Variants in MAML3 observed in about 807,000 individuals in gnomAD.
MAML3 encodes the protein mastermind like transcriptional coactivator 3.
A neutral mutation model predicts 101.9 loss-of-function variants in MAML3; 27 were observed. That is an observed-to-expected ratio of 0.27 (90% CI 0.20 to 0.37). The LOEUF is 0.37. MAML3 is among the 10% of genes least tolerant of loss of function. The pLI, the probability that MAML3 is intolerant of heterozygous loss-of-function variation, is 1.00. For synonymous variants in MAML3, 501 were observed against 555.9 expected (o/e 0.90, Z 1.39); for missense variants, 1,316 against 1,444.9 (o/e 0.91, Z 1.45).
At chr4:139,850,684 G>T (rs534259254) in intron 2 of MAML3, among the ~76,000 whole-genome samples, 2 of 151,916 alleles carry the variant, frequency 1.3e-5, no homozygotes, top group South Asian at 2.1e-4. Context: ...GGGACCACAG[G>T]TGCATACCAC....
At chr4:140,140,182 G>C (rs1728956785) in intron 1 of MAML3, among the ~76,000 whole-genome samples, 1 of 152,016 alleles carries the variant, frequency 6.6e-6, no homozygotes, top group African/African-American at 2.4e-5. Context: ...AAATTAGCCG[G>C]GCATGGTGGC....
At chr4:140,113,583 T>C (rs1005204386) in intron 1 of MAML3, among the ~76,000 whole-genome samples, 1 of 152,158 alleles carries the variant, frequency 6.6e-6, no homozygotes, top group Non-Finnish European at 1.5e-5. Context: ...ACCAACTACA[T>C]TCCTACTCGG....
intron 4 of MAML3, 143 bp downstream of exon 4, chr4:139,725,608 A>G: frequency 1.2e-6 from 1 of 801,050 alleles, no homozygotes; most frequent in Admixed American, 2.1e-5. Flanking sequence ...CTGATTGGTT[A>G]GTACTCTTAA....
At chr4:140,033,245 C>T (rs1479992797) in intron 1 of MAML3, among the ~76,000 whole-genome samples, 1 of 152,132 alleles carries the variant, frequency 6.6e-6, no homozygotes, top group South Asian at 2.1e-4. Context: ...TATAACTAAG[C>T]CCTGTGGCAA....
chr4:140,012,724 G>A (rs983613276), intron 1 of MAML3, among the ~76,000 whole-genome samples: 2 of 152,138 alleles, frequency 1.3e-5, no homozygotes, highest in Non-Finnish European at 2.9e-5. Context: ...ACCACCTCTT[G>A]AGGTCTAGGT....
chr4:139,913,352 G>A (rs888861613), intron 1 of MAML3, among the ~76,000 whole-genome samples: 1 of 152,014 alleles, frequency 6.6e-6, no homozygotes, highest in African/African-American at 2.4e-5. Flanking sequence ...TCCTAAGTAT[G>A]GCTCTTACTT....
intron 1 of MAML3, among the ~76,000 whole-genome samples, chr4:140,116,615 G>C (rs1728523001): frequency 6.6e-6 from 1 of 152,190 alleles, no homozygotes; most frequent in Non-Finnish European, 1.5e-5. Flanking sequence ...TGCTTCAAAA[G>C]TTGCCATTCC....
At chr4:139,872,868 A>G (rs1732041596) in intron 2 of MAML3, among the ~76,000 whole-genome samples, 1 of 152,106 alleles carries the variant, frequency 6.6e-6, no homozygotes, top group Non-Finnish European at 1.5e-5. Flanking sequence ...ACCTAAGGTC[A>G]GGAGTTTGAG....
chr4:140,109,110 T>C, intron 1 of MAML3, among the ~76,000 whole-genome samples: 1 of 152,138 alleles, frequency 6.6e-6, no homozygotes, highest in East Asian at 1.9e-4. Context: ...CATTTGAAGG[T>C]TTCAGTTGAA....
intron 1 of MAML3, among the ~76,000 whole-genome samples, chr4:139,929,199 GAAAAATTAGACTTTATATC>G: frequency 6.6e-6 from 1 of 152,246 alleles, no homozygotes; most frequent in East Asian, 1.9e-4. Context: ...AAAAAGGAGG[GAAAAATTAGACTTTATATC>G]AAACAGTGCT....
chr4:139,865,889 A>G (rs1478344895), intron 2 of MAML3, among the ~76,000 whole-genome samples: 1 of 152,334 alleles, frequency 6.6e-6, no homozygotes, highest in Admixed American at 6.5e-5. Context: ...GGAGCCCCAG[A>G]TTCTCTGCTT....
At chr4:140,013,480 C>A (rs145610104) in intron 1 of MAML3, among the ~76,000 whole-genome samples, 12 of 152,336 alleles carry the variant, frequency 7.9e-5, no homozygotes, top group African/African-American at 2.9e-4. Flanking sequence ...TTATCTCTGA[C>A]ATGATACCAC....
At chr4:139,760,646 A>G (rs1415166580) in intron 2 of MAML3, among the ~76,000 whole-genome samples, 1 of 152,234 alleles carries the variant, frequency 6.6e-6, no homozygotes, top group Non-Finnish European at 1.5e-5. Context: ...ATGAGGCTGT[A>G]AAACACGTGA....
intron 1 of MAML3, among the ~76,000 whole-genome samples, chr4:140,053,053 AG>A (rs1727294412): frequency 2.6e-5 from 4 of 152,188 alleles, no homozygotes; most frequent in African/African-American, 9.7e-5. Flanking sequence ...AGAGGCCCAC[AG>A]AAACCCCCTC....
chr4:140,067,726 CTT>C lies in MAML3; in HGVS notation c.468+85132_468+85133del, dbSNP rs34853196. 7.2e-3 allele frequency among the ~76,000 whole-genome samples: 939 copies of C among 131,256 alleles called. 5 individuals carry two copies. The highest frequency in any genetic ancestry group is 0.025 in the African/African-American group (868 of 34,658). The allele number at this position is 131,256 out of a possible 152,430, so 86.1% of individuals were successfully genotyped here. A position where few individuals can be genotyped will look rare whatever the true frequency, so the allele number is the denominator to read the frequency against. ...GTAATACATAAATGTCAATCTTAAT[CTT>C]TTTTTTTTTTTTTTTTTTGAGATGG... On this transcript the variant is annotated intron_variant, in intron 1 of 4. Transcript: ENST00000509479.
chr4:140,137,192 G>A (rs1028174421), intron 1 of MAML3, among the ~76,000 whole-genome samples: 3 of 152,086 alleles, frequency 2.0e-5, no homozygotes, highest in African/African-American at 4.8e-5. Flanking sequence ...ATTTCACCGT[G>A]TTAGCCAAGA....
At chr4:139,771,655 G>A (rs541168620) in intron 2 of MAML3, among the ~76,000 whole-genome samples, 4 of 152,226 alleles carry the variant, frequency 2.6e-5, no homozygotes, top group East Asian at 1.9e-4. Flanking sequence ...TTGAGAAAAC[G>A]GAAGATTGTA....
chr4:139,744,323 G>A (rs1729255852), intron 2 of MAML3, among the ~76,000 whole-genome samples: 1 of 152,142 alleles, frequency 6.6e-6, no homozygotes, highest in African/African-American at 2.4e-5. Flanking sequence ...AGATCTTAGA[G>A]TTGATTTTTC....
intron 1 of MAML3, among the ~76,000 whole-genome samples, chr4:140,137,019 C>T (rs1021769024): frequency 6.6e-6 from 1 of 152,238 alleles, no homozygotes; most frequent in Non-Finnish European, 1.5e-5. Flanking sequence ...GACGGAGTCT[C>T]GTTCTTTCGC....
Sources: allele counts gnomAD v4.1 joint callset (sites outside exome capture counted in the v4.1 genomes callset), GRCh38; gene constraint gnomAD v4.1.1; transcripts MANE v1.5; gene names NCBI Gene and HGNC (gene_info 2026-07-23, HGNC 2026-07-21).